ARHGAP26: variants seen among roughly 807,000 people sequenced by gnomAD.
ARHGAP26 encodes rho GTPase-activating protein 26.
A neutral mutation model predicts 104.8 loss-of-function variants in ARHGAP26; 38 were observed. The ratio of observed to expected loss-of-function variants is 0.36; its 90% CI spans 0.28 to 0.48. The LOEUF is 0.48. ARHGAP26 is among the 20% of genes least tolerant of loss of function. The pLI, the probability that ARHGAP26 is intolerant of heterozygous loss-of-function variation, is 0.99. For synonymous variants in ARHGAP26, 341 were observed against 340.0 expected (o/e 1.00, Z -0.03); for missense variants, 704 against 947.9 (o/e 0.74, Z 3.38).
At chr5:143,023,931 G>A (rs765551118) in intron 12 of ARHGAP26, among the ~76,000 whole-genome samples, 2 of 152,100 alleles carry the variant, frequency 1.3e-5, no homozygotes, top group East Asian at 1.9e-4. Context: ...TGCAGTTTCC[G>A]TGGCCACCAC....
chr5:143,062,519 GT>G (rs57175122), intron 17 of ARHGAP26, among the ~76,000 whole-genome samples: 60,445 of 123,850 alleles, frequency 0.49, 13,403 homozygotes, highest in Non-Finnish European at 0.55. Flanking sequence ...TGTAGCTTGG[GT>G]TTTTTTTTTT....
intron 17 of ARHGAP26, among the ~76,000 whole-genome samples, chr5:143,109,147 G>A (rs1794452197): frequency 1.2e-5 from 1 of 81,416 alleles, no homozygotes; most frequent in Admixed American, 1.4e-4. Flanking sequence ...TATTAGCTGG[G>A]TAGCAGGTAA....
chr5:142,955,291 A>G (rs1013354514), intron 11 of ARHGAP26, among the ~76,000 whole-genome samples: 1 of 152,014 alleles, frequency 6.6e-6, no homozygotes, highest in Non-Finnish European at 1.5e-5. Flanking sequence ...ACAGAGTGAG[A>G]CCCTGTCTCA....
chr5:143,014,062 T>G lies in ARHGAP26; in HGVS notation c.1108-18T>G. The G allele has an allele frequency of 6.2e-7, 1 of 1,613,916 alleles. No individual in the cohort carries two copies. Among genetic ancestry groups the G allele is most frequent in the Non-Finnish European group, 8.5e-7 (1 of 1,179,810 alleles). ...GGCATAAAATGCACATAAGTGAATT[T>G]TTATTTTTATTTTCCAGGTCTACAA... On this transcript the variant is annotated intron_variant, in intron 11 of 22. Transcript: ENST00000645722.
intron 1 of ARHGAP26, among the ~76,000 whole-genome samples, chr5:142,811,706 A>T (rs145685554): frequency 1.3e-5 from 2 of 151,726 alleles, no homozygotes; most frequent in Non-Finnish European, 1.5e-5. Context: ...AAGTGAGCCA[A>T]TGCATACAGA....
chr5:142,838,150 C>T (rs963916164), intron 1 of ARHGAP26, among the ~76,000 whole-genome samples: 1 of 151,916 alleles, frequency 6.6e-6, no homozygotes, highest in African/African-American at 2.4e-5. Context: ...CCCAGCTACT[C>T]AGGAGGCTGA....
At chr5:142,883,244 T>C (rs956358810) in intron 4 of ARHGAP26, among the ~76,000 whole-genome samples, 1 of 152,216 alleles carries the variant, frequency 6.6e-6, no homozygotes, top group Non-Finnish European at 1.5e-5. Context: ...AGCTGGACTG[T>C]CTGGGACCAG....
At chr5:143,093,693 A>G (rs1013433868) in intron 17 of ARHGAP26, among the ~76,000 whole-genome samples, 7 of 148,900 alleles carry the variant, frequency 4.7e-5, no homozygotes, top group Admixed American at 6.7e-5. Flanking sequence ...CCTCTCTGCT[A>G]GTCTTTCCCT....
chr5:143,060,864 C>G (rs954806238), intron 17 of ARHGAP26, among the ~76,000 whole-genome samples: 3 of 151,804 alleles, frequency 2.0e-5, no homozygotes, highest in African/African-American at 7.3e-5. Context: ...TTTTCTAGGA[C>G]AGAGAAAAAT....
intron 1 of ARHGAP26, chr5:142,866,695 C>T (rs1206820744): frequency 1.3e-5 from 2 of 152,130 alleles, no homozygotes; most frequent in Non-Finnish European, 2.9e-5. Context: ...GTTGGAAAAA[C>T]AAATTTTCCA....
intron 17 of ARHGAP26, among the ~76,000 whole-genome samples, chr5:143,077,895 AG>A (rs1322866263): frequency 3.9e-5 from 6 of 152,046 alleles, no homozygotes. Context: ...ATGCAGACTG[AG>A]CATATCTCCC....
intron 1 of ARHGAP26, among the ~76,000 whole-genome samples, chr5:142,855,877 A>G (rs1752275328): frequency 6.9e-6 from 1 of 145,050 alleles, no homozygotes; most frequent in African/African-American, 2.7e-5. Flanking sequence ...CTCTCCAGTG[A>G]CTTATTACCA....
intron 1 of ARHGAP26, among the ~76,000 whole-genome samples, chr5:142,810,897 T>C (rs1246641082): frequency 1.3e-5 from 2 of 152,224 alleles, no homozygotes; most frequent in East Asian, 3.8e-4. Context: ...TGCAAGGACA[T>C]ATACATACCA....
chr5:142,920,890 C>G (rs1291495070), intron 10 of ARHGAP26, among the ~76,000 whole-genome samples: 1 of 152,194 alleles, frequency 6.6e-6, no homozygotes, highest in East Asian at 1.9e-4. Context: ...GGACTTTACC[C>G]TTCCATTCTT....
chr5:143,004,048 C>T (rs553445526), intron 11 of ARHGAP26, among the ~76,000 whole-genome samples: 20 of 143,346 alleles, frequency 1.4e-4, no homozygotes, highest in South Asian at 1.1e-3. Flanking sequence ...AGGAAAGTGA[C>T]GTACGGAAAT....
intron 17 of ARHGAP26, among the ~76,000 whole-genome samples, chr5:143,073,784 T>C (rs1427469719): frequency 6.6e-6 from 1 of 152,230 alleles, no homozygotes; most frequent in Non-Finnish European, 1.5e-5. Context: ...TATTTTTGAA[T>C]TTTTATGAAA....
At chr5:143,194,672 G>A (rs1599458243) in intron 20 of ARHGAP26, among the ~76,000 whole-genome samples, 1 of 152,278 alleles carries the variant, frequency 6.6e-6, no homozygotes, top group East Asian at 1.9e-4. Flanking sequence ...ACAAGAACTA[G>A]AAGAGAATAT....
intron 20 of ARHGAP26, among the ~76,000 whole-genome samples, chr5:143,163,041 A>G (rs769733672): frequency 6.6e-6 from 1 of 152,108 alleles, no homozygotes; most frequent in South Asian, 2.1e-4. Flanking sequence ...TTTGAGTTCA[A>G]AAGGTCAAGG....
At chr5:142,786,631 A>G (rs1025052861) in intron 1 of ARHGAP26, among the ~76,000 whole-genome samples, 10 of 151,374 alleles carry the variant, frequency 6.6e-5, no homozygotes, top group African/African-American at 2.2e-4. Context: ...AAATGACGTG[A>G]AACAGATTTC....
Sources: allele counts gnomAD v4.1 joint callset (sites outside exome capture counted in the v4.1 genomes callset), GRCh38; gene constraint gnomAD v4.1.1; transcripts MANE v1.5; gene names NCBI Gene and HGNC (gene_info 2026-07-23, HGNC 2026-07-21).